The following BBS9 variants were observed in gnomAD, a reference collection of about 807,000 sequenced individuals.
BBS9 encodes the protein protein PTHB1.
Under a neutral mutation model 117.7 loss-of-function variants are expected in BBS9, and 89 were observed. The ratio of observed to expected loss-of-function variants is 0.76; its 90% confidence interval spans 0.64 to 0.90. BBS9 has a LOEUF of 0.90. Ranked by LOEUF, BBS9 falls within the 40% of genes least tolerant of loss-of-function variation. The pLI, the probability that BBS9 is intolerant of heterozygous loss-of-function variation, is 0.00. For synonymous variants in BBS9, 379 were observed against 370.9 expected, an observed-to-expected ratio of 1.02 and a Z score of -0.25; for missense variants, 982 against 1,042.2, an observed-to-expected ratio of 0.94 and a Z score of 0.80.
chr7:33,214,463 T>C (rs1355243627), intron 5 of BBS9, among the ~76,000 whole-genome samples: 1 of 152,216 alleles, frequency 6.6e-6, no homozygotes, highest in Non-Finnish European at 1.5e-5. Flanking sequence ...TAAAACTAGT[T>C]AAACTTCAGT....
chr7:33,443,286 C>T (rs1010263329), intron 19 of BBS9, among the ~76,000 whole-genome samples: 2 of 152,100 alleles, frequency 1.3e-5, no homozygotes, highest in African/African-American at 4.8e-5. Context: ...ACTTGCTTGT[C>T]ATTATGTCTG....
At chr7:33,467,133 G>A (rs1366620655) in intron 19 of BBS9, among the ~76,000 whole-genome samples, 1 of 152,062 alleles carries the variant, frequency 6.6e-6, no homozygotes. Context: ...GGGGGCGGAG[G>A]CTGTGATTAA....
intron 9 of BBS9, among the ~76,000 whole-genome samples, chr7:33,305,528 A>G (rs1807705598): frequency 6.6e-6 from 1 of 152,206 alleles, no homozygotes; most frequent in South Asian, 2.1e-4. Context: ...CAGTAAAGTC[A>G]TCGTGTCCCA....
At chr7:33,499,549 G>A (rs1042696995) in intron 19 of BBS9, among the ~76,000 whole-genome samples, 2 of 152,206 alleles carry the variant, frequency 1.3e-5, no homozygotes, top group Non-Finnish European at 2.9e-5. Flanking sequence ...TGGGAGATTA[G>A]CGAAGCTGAA....
chr7:33,353,880 A>G (rs1343300587), intron 15 of BBS9, among the ~76,000 whole-genome samples: 1 of 152,028 alleles, frequency 6.6e-6, no homozygotes, highest in Non-Finnish European at 1.5e-5. Context: ...GTCAAATTAG[A>G]ATTTGGGTCA....
intron 9 of BBS9, among the ~76,000 whole-genome samples, chr7:33,312,021 G>A (rs544364673): frequency 2.2e-4 from 34 of 152,252 alleles, no homozygotes; most frequent in Non-Finnish European, 3.5e-4. Flanking sequence ...GTAATACAAG[G>A]TTTCTTGCCA....
intron 21 of BBS9, among the ~76,000 whole-genome samples, chr7:33,569,805 C>T (rs759848086): frequency 1.1e-4 from 16 of 152,012 alleles, no homozygotes; most frequent in Admixed American, 5.9e-4. Flanking sequence ...ATAAAATAGA[C>T]GAATGTGTGC....
chr7:33,352,789 T>A (rs2128671303), intron 14 of BBS9, 70 bp from the exon 15 acceptor site: 3 of 1,540,014 alleles, frequency 1.9e-6, no homozygotes, highest in African/African-American at 1.4e-5. Context: ...ATTTGTGTTG[T>A]AACTTTACCA....
At chr7:33,432,461 A>C (rs905808129) in intron 19 of BBS9, among the ~76,000 whole-genome samples, 12 of 152,094 alleles carry the variant, frequency 7.9e-5, no homozygotes, top group Non-Finnish European at 1.3e-4. Context: ...GTGTAATTAC[A>C]TTATAATGTG....
At chr7:33,421,193 T>G (rs181695596) in intron 19 of BBS9, among the ~76,000 whole-genome samples, 7 of 152,092 alleles carry the variant, frequency 4.6e-5, no homozygotes, top group Admixed American at 4.6e-4. Context: ...TTTTTTTTTT[T>G]ACTGTAAACA....
intron 5 of BBS9, among the ~76,000 whole-genome samples, chr7:33,201,094 T>C (rs1465671218): frequency 6.6e-6 from 1 of 152,184 alleles, no homozygotes; most frequent in Non-Finnish European, 1.5e-5. Flanking sequence ...GGTTGTTTTC[T>C]TACTCTAGAG....
intron 21 of BBS9, among the ~76,000 whole-genome samples, chr7:33,602,812 T>C (rs1443319438): frequency 1.3e-5 from 2 of 152,020 alleles, no homozygotes; most frequent in African/African-American, 4.8e-5. Context: ...GTGTGGAGTC[T>C]GAGGAGGTGC....
At chr7:33,455,789 T>A (rs1584895711) in intron 19 of BBS9, among the ~76,000 whole-genome samples, 2 of 152,264 alleles carry the variant, frequency 1.3e-5, no homozygotes, top group East Asian at 1.9e-4. Context: ...ATAAGAAAAA[T>A]CTGGGTTGGC....
chr7:33,401,846 G>C (rs1828971789), intron 19 of BBS9, among the ~76,000 whole-genome samples: 1 of 152,210 alleles, frequency 6.6e-6, no homozygotes, highest in Non-Finnish European at 1.5e-5. Flanking sequence ...TCCCCCACAA[G>C]AGACAGCTTT....
intron 20 of BBS9, among the ~76,000 whole-genome samples, chr7:33,529,833 A>G (rs568539451): frequency 4.6e-5 from 7 of 152,216 alleles, no homozygotes; most frequent in Non-Finnish European, 1.0e-4. Context: ...ACAATATAAG[A>G]CAAAAATACT....
intron 21 of BBS9, among the ~76,000 whole-genome samples, chr7:33,574,028 C>T (rs1171394262): frequency 2.6e-5 from 4 of 152,100 alleles, no homozygotes; most frequent in African/African-American, 9.7e-5. Flanking sequence ...TTCAACTTCT[C>T]CATTGTGCAT....
intron 18 of BBS9, among the ~76,000 whole-genome samples, chr7:33,384,715 T>TGTGAGAGA (rs370625971): frequency 0.047 from 6,734 of 144,678 alleles, 203 homozygotes; most frequent in Middle Eastern, 0.07. Flanking sequence ...TGTGTGTGTG[T>TGTGAGAGA]GAGAGAGAGA....
intron 5 of BBS9, among the ~76,000 whole-genome samples, chr7:33,216,624 T>G (rs1789117188): frequency 6.6e-6 from 1 of 152,120 alleles, no homozygotes; most frequent in Admixed American, 6.5e-5. Flanking sequence ...TTAGCAAAAG[T>G]TTACAGTGGT....
chr7:33,473,920 T>TTATATTATGATGTTGCATTG, intron 19 of BBS9, among the ~76,000 whole-genome samples: 1 of 152,238 alleles, frequency 6.6e-6, no homozygotes, highest in East Asian at 1.9e-4. Context: ...CAGGTTCATT[T>TTATATTATGATGTTGCATTG]TATATTATGA....
Sources: allele counts gnomAD v4.1 joint callset (sites outside exome capture counted in the v4.1 genomes callset), GRCh38; gene constraint gnomAD v4.1.1; transcripts MANE v1.5; gene names NCBI Gene and HGNC (gene_info 2026-07-23, HGNC 2026-07-21).